ENTPD1: variants seen among roughly 807,000 people sequenced by gnomAD.
The protein encoded by ENTPD1 is ATP diphosphohydrolase.
In ENTPD1, 33 loss-of-function variants were observed where a neutral mutation model predicts 57.0. The observed-to-expected ratio is 0.58, with a 90% CI of 0.44 to 0.77. ENTPD1 has a LOEUF of 0.77. Ranked by LOEUF, ENTPD1 falls within the 30% of genes least tolerant of loss-of-function variation. The pLI, the probability that ENTPD1 is intolerant of heterozygous loss-of-function variation, is 0.00. For synonymous variants in ENTPD1, 202 were observed against 218.8 expected, an observed-to-expected ratio of 0.92 and a Z score of 0.68; for missense variants, 501 against 603.4, an observed-to-expected ratio of 0.83 and a Z score of 1.78.
chr10:95,699,629 TGAGA>T, the ENTPD1 span, among the ~76,000 whole-genome samples: 1 of 148,640 alleles, frequency 6.7e-6, no homozygotes, highest in Non-Finnish European at 1.5e-5. Context: ...AGAGAGAGAT[TGAGA>T]GAGAGAAAGA....
intron 1 of ENTPD1, among the ~76,000 whole-genome samples, chr10:95,808,077 T>A (rs1000547935): frequency 6.6e-6 from 1 of 152,202 alleles, no homozygotes; most frequent in African/African-American, 2.4e-5. Flanking sequence ...CTCTTATTAT[T>A]TTGAGGGATG....
intron 2 of ENTPD1, among the ~76,000 whole-genome samples, chr10:95,834,917 C>A (rs958873111): frequency 1.4e-5 from 2 of 144,700 alleles, no homozygotes. Context: ...AGCGAGACTC[C>A]GTCTCAAAAA....
intron 1 of ENTPD1, among the ~76,000 whole-genome samples, chr10:95,745,760 A>G (rs993190336): frequency 7.2e-5 from 11 of 152,212 alleles, no homozygotes; most frequent in Admixed American, 1.3e-4. Context: ...TCAGTTCAGC[A>G]AACTCTCATT....
intron 1 of ENTPD1, among the ~76,000 whole-genome samples, chr10:95,723,800 A>G (rs887694643): frequency 3.1e-4 from 47 of 152,056 alleles, no homozygotes; most frequent in African/African-American, 1.1e-3. Context: ...CCCCAGGAAA[A>G]TTGAAAGCGG....
At chr10:95,715,339 C>G (rs994925655) in intron 1 of ENTPD1, among the ~76,000 whole-genome samples, 2 of 152,096 alleles carry the variant, frequency 1.3e-5, no homozygotes, top group African/African-American at 4.8e-5. Context: ...CTTAATGTGC[C>G]TTGTCATAAA....
chr10:95,858,324 T>C (rs1590187390), intron 7 of ENTPD1, among the ~76,000 whole-genome samples: 1 of 151,940 alleles, frequency 6.6e-6, no homozygotes, highest in African/African-American at 2.4e-5. Context: ...TTGGCGGGGA[T>C]TGAAAGCCAG....
intron 1 of ENTPD1, among the ~76,000 whole-genome samples, chr10:95,734,161 G>T (rs1248857476): frequency 2.6e-5 from 4 of 152,182 alleles, no homozygotes; most frequent in Non-Finnish European, 5.9e-5. Flanking sequence ...GAGAATATCA[G>T]ATGGGATCAA....
intron 1 of ENTPD1, among the ~76,000 whole-genome samples, chr10:95,821,153 T>C (rs1481968021): frequency 6.6e-6 from 1 of 152,166 alleles, no homozygotes; most frequent in African/African-American, 2.4e-5. Flanking sequence ...CAAAGTGGGG[T>C]GCCCTTAGAG....
At chr10:95,851,148 AG>A (rs1386130019) in intron 7 of ENTPD1, among the ~76,000 whole-genome samples, 1 of 152,188 alleles carries the variant, frequency 6.6e-6, no homozygotes, top group Non-Finnish European at 1.5e-5. Flanking sequence ...TAAATAAGAA[AG>A]GGAAGAAACA....
At chr10:95,864,976 C>G in intron 9 of ENTPD1, 115 bp downstream of exon 9, 3 of 1,248,052 alleles carry the variant, frequency 2.4e-6, no homozygotes, top group Admixed American at 2.0e-5. Context: ...GCTTGATGTC[C>G]TGTTCTGCCA....
At position 95,871,228 on chromosome 10, in the gene ENTPD1, GATT is replaced by G; in HGVS notation, c.*4849_*4851del. ...AGGAAAAAAGTAAAGCATTAAATGC[GATT>G]ATTTAATATACAATGTCTTATTAAC... On this transcript the variant is annotated 3_prime_UTR_variant, in exon 10 of 10. Coordinates refer to ENST00000371205, the MANE Select transcript of ENTPD1 (RefSeq NM_001776.6). 1.0e-6 allele frequency: 1 copy of G among 985,380 alleles called. No individual in the cohort carries two copies. 61.0% of individuals were successfully genotyped at this position (985,380 alleles called of 1,614,324 possible).
chr10:95,778,488 T>C (rs913619320), intron 1 of ENTPD1, among the ~76,000 whole-genome samples: 1 of 152,218 alleles, frequency 6.6e-6, no homozygotes, highest in Non-Finnish European at 1.5e-5. Flanking sequence ...AAGATTTTTT[T>C]CTTAATATCC....
At chr10:95,818,491 A>G in intron 1 of ENTPD1, among the ~76,000 whole-genome samples, 1 of 152,200 alleles carries the variant, frequency 6.6e-6, no homozygotes, top group East Asian at 1.9e-4. Context: ...CTATAGCCAC[A>G]TGAAGGAGGG....
intron 2 of ENTPD1, among the ~76,000 whole-genome samples, chr10:95,836,816 C>T (rs533030126): frequency 6.6e-6 from 1 of 152,304 alleles, no homozygotes; most frequent in South Asian, 2.1e-4. Flanking sequence ...GAGAACAAAA[C>T]GTTGTGGCTA....
At chr10:95,783,442 T>G (rs2098165637) in intron 1 of ENTPD1, among the ~76,000 whole-genome samples, 1 of 152,158 alleles carries the variant, frequency 6.6e-6, no homozygotes, top group Non-Finnish European at 1.5e-5. Flanking sequence ...AGTGGCAAAA[T>G]CTTGACTAAA....
In ENTPD1 at chr10:95,873,825, A is replaced by G; in HGVS notation, c.*7442A>G. On this transcript the variant is annotated 3_prime_UTR_variant, in exon 10 of 10. Transcript: ENST00000371205. Reference sequence around the variant, plus strand: ...CAAAATCAGGTGGGAGGCAAAAGGTACTTCTTACGTGGTGGCATCAAGAGC... The same window carrying G: ...CAAAATCAGGTGGGAGGCAAAAGGTGCTTCTTACGTGGTGGCATCAAGAGC... 2.1e-6 allele frequency: 1 copy of G among 482,782 alleles called. No homozygotes were observed. Among genetic ancestry groups the G allele is most frequent in the Non-Finnish European group, 2.7e-6 (1 of 370,192 alleles). The allele number at this position is 482,782 out of a possible 1,614,324, so 29.9% of individuals were successfully genotyped here.
At chr10:95,768,493 CTT>C (rs903054485) in intron 1 of ENTPD1, among the ~76,000 whole-genome samples, 2 of 125,346 alleles carry the variant, frequency 1.6e-5, no homozygotes, top group African/African-American at 6.1e-5. Flanking sequence ...TCTTTCTTTT[CTT>C]TTTTCTTTCT....
At chr10:95,747,802 T>G (rs2098007647) in intron 1 of ENTPD1, among the ~76,000 whole-genome samples, 2 of 152,236 alleles carry the variant, frequency 1.3e-5, no homozygotes, top group Non-Finnish European at 2.9e-5. Flanking sequence ...CTTTTCTTGC[T>G]TACACTGGTT....
chr10:95,762,218 A>G (rs931160378), intron 1 of ENTPD1, among the ~76,000 whole-genome samples: 11 of 151,846 alleles, frequency 7.2e-5, no homozygotes, highest in Admixed American at 2.0e-4. Flanking sequence ...GCAAAAAAAA[A>G]AAAAAAAAAG....
Sources: allele counts gnomAD v4.1 joint callset (sites outside exome capture counted in the v4.1 genomes callset), GRCh38; gene constraint gnomAD v4.1.1; transcripts MANE v1.5; gene names NCBI Gene and HGNC (gene_info 2026-07-23, HGNC 2026-07-21).